The following UNC13C variants were observed in gnomAD, a reference collection of about 807,000 sequenced individuals.
The protein encoded by UNC13C is unc-13 homolog C.
UNC13C carries 174 observed loss-of-function variants against 245.4 expected under a neutral mutation model. The ratio of observed to expected loss-of-function variants is 0.71; its 90% CI spans 0.63 to 0.80. The LOEUF (loss-of-function observed/expected upper bound fraction) is 0.80. Among genes scored for constraint, UNC13C ranks in the 30% least tolerant of loss-of-function variants. UNC13C has a pLI of 0.00. For synonymous variants in UNC13C, 992 were observed against 895.1 expected (o/e 1.11, Z -1.93); for missense variants, 2,829 against 2,602.9 (o/e 1.09, Z -1.89).
intron 29 of UNC13C, among the ~76,000 whole-genome samples, chr15:54,559,334 GA>G (rs1897209239): frequency 6.6e-6 from 1 of 151,982 alleles, no homozygotes; most frequent in Non-Finnish European, 1.5e-5. Context: ...TACCCTCGCA[GA>G]GGTTCTGCCC....
intron 19 of UNC13C, among the ~76,000 whole-genome samples, chr15:54,473,907 TA>T (rs34289989): frequency 0.41 from 62,397 of 151,494 alleles, 13,121 homozygotes; most frequent in East Asian, 0.62. Context: ...TCTGAGTCTC[TA>T]ATTATCTATC....
At chr15:53,945,696 C>CT in the UNC13C span, among the ~76,000 whole-genome samples, 1 of 151,830 alleles carries the variant, frequency 6.6e-6, no homozygotes, top group African/African-American at 2.4e-5. Flanking sequence ...CAGCTTTGGT[C>CT]TTTTTGCTTA....
chr15:53,912,923 C>A, the UNC13C span: 1 of 152,190 alleles, frequency 6.6e-6, no homozygotes, highest in African/African-American at 2.4e-5. Flanking sequence ...CTGCATGCAG[C>A]TGGACCTTCC....
intron 17 of UNC13C, among the ~76,000 whole-genome samples, chr15:54,372,937 T>A (rs1407543106): frequency 6.6e-6 from 1 of 152,186 alleles, no homozygotes; most frequent in Non-Finnish European, 1.5e-5. Context: ...GCTTATGAAC[T>A]ATGGTACTGG....
At chr15:54,197,130 A>T (rs954512156) in intron 4 of UNC13C, among the ~76,000 whole-genome samples, 3 of 152,200 alleles carry the variant, frequency 2.0e-5, no homozygotes, top group African/African-American at 4.8e-5. Flanking sequence ...TTAGCAGATG[A>T]TATGTTCTAC....
chr15:54,171,002 C>T (rs1226095656), intron 4 of UNC13C, among the ~76,000 whole-genome samples: 1 of 152,076 alleles, frequency 6.6e-6, no homozygotes, highest in Non-Finnish European at 1.5e-5. Flanking sequence ...CAAGGATGGG[C>T]ATATACATTA....
chr15:54,263,838 A>G (rs916287786), intron 8 of UNC13C, among the ~76,000 whole-genome samples: 1 of 152,146 alleles, frequency 6.6e-6, no homozygotes, highest in Non-Finnish European at 1.5e-5. Context: ...TATGTAACAC[A>G]TTTGATTGTG....
chr15:54,080,889 G>A (rs1898904420), intron 2 of UNC13C, among the ~76,000 whole-genome samples: 1 of 151,710 alleles, frequency 6.6e-6, no homozygotes, highest in Non-Finnish European at 1.5e-5. Flanking sequence ...GTTCCTTTAG[G>A]TGCAGCATTA....
At chr15:54,443,502 A>G (rs923724442) in intron 19 of UNC13C, among the ~76,000 whole-genome samples, 2 of 151,922 alleles carry the variant, frequency 1.3e-5, no homozygotes, top group African/African-American at 4.8e-5. Context: ...TAGATTGTTT[A>G]TTTAAAAATC....
intron 2 of UNC13C, chr15:54,050,628 C>G (rs949282733): frequency 4.3e-5 from 19 of 446,348 alleles, no homozygotes; most frequent in Admixed American, 3.5e-4. Flanking sequence ...ATCATCAGAA[C>G]TTATGAGGAC....
chr15:54,124,987 TA>T (rs1159216115), intron 2 of UNC13C, among the ~76,000 whole-genome samples: 1 of 152,212 alleles, frequency 6.6e-6, no homozygotes, highest in Non-Finnish European at 1.5e-5. Context: ...TTCGGTTTCA[TA>T]AATCTAAATG....
the UNC13C span, among the ~76,000 whole-genome samples, chr15:53,878,022 T>G: frequency 1.3e-5 from 2 of 152,224 alleles, no homozygotes; most frequent in Non-Finnish European, 2.9e-5. Flanking sequence ...ACCATAATGC[T>G]TTTTTGCTTA....
At chr15:53,868,979 G>T in the UNC13C span, among the ~76,000 whole-genome samples, 1 of 152,104 alleles carries the variant, frequency 6.6e-6, no homozygotes, top group Non-Finnish European at 1.5e-5. Context: ...GCGTGGTGGT[G>T]CATGCCTGTA....
intron 19 of UNC13C, among the ~76,000 whole-genome samples, chr15:54,490,947 A>T (rs1459716752): frequency 6.6e-6 from 1 of 152,208 alleles, no homozygotes; most frequent in African/African-American, 2.4e-5. Flanking sequence ...GTACAGCTAA[A>T]TTCATCTCCT....
At chr15:54,210,254 A>G (rs866520273) in intron 4 of UNC13C, among the ~76,000 whole-genome samples, 6 of 140,754 alleles carry the variant, frequency 4.3e-5, no homozygotes, top group Admixed American at 1.4e-4. Flanking sequence ...ATATATATAT[A>G]TGGTCTAACA....
chr15:54,071,554 G>A (rs1321215412), intron 2 of UNC13C, among the ~76,000 whole-genome samples: 1 of 152,088 alleles, frequency 6.6e-6, no homozygotes, highest in Non-Finnish European at 1.5e-5. Flanking sequence ...CTGAATGGCT[G>A]ACTCCAATCC....
At chr15:54,447,593 G>A (rs544242320) in intron 19 of UNC13C, among the ~76,000 whole-genome samples, 3 of 152,180 alleles carry the variant, frequency 2.0e-5, no homozygotes, top group Non-Finnish European at 4.4e-5. Flanking sequence ...ATGGTAGTTT[G>A]TATTTCTGTG....
intron 10 of UNC13C, among the ~76,000 whole-genome samples, chr15:54,290,382 T>G (rs544018578): frequency 6.6e-6 from 1 of 152,022 alleles, no homozygotes; most frequent in Admixed American, 6.6e-5. Flanking sequence ...CTAAAATTAT[T>G]CTAAAATAAA....
chr15:54,325,407 A>G (rs1162276524), intron 14 of UNC13C, among the ~76,000 whole-genome samples: 2 of 152,022 alleles, frequency 1.3e-5, no homozygotes, highest in Non-Finnish European at 2.9e-5. Flanking sequence ...TCTTTATACA[A>G]CAGTCTTTTT....
Sources: gnomAD v4.1 joint callset for allele counts (sites outside exome capture counted in the v4.1 genomes callset) on GRCh38, gnomAD v4.1.1 for gene constraint, MANE v1.5 for transcripts, NCBI Gene and HGNC (gene_info 2026-07-23, HGNC 2026-07-21) for gene names.